CEP85: variants seen among roughly 807,000 people sequenced by gnomAD.
The protein encoded by CEP85 is centrosomal protein 85.
A neutral mutation model predicts 93.7 loss-of-function variants in CEP85; 58 were observed. The observed-to-expected ratio is 0.62, with a 90% CI of 0.50 to 0.77. CEP85 has a LOEUF of 0.77. Ranked by LOEUF, CEP85 falls within the 30% of genes least tolerant of loss-of-function variation. CEP85 has a pLI of 0.00. For missense variants in CEP85, 868 were observed against 922.0 expected (o/e 0.94, Z 0.76); for synonymous variants, 314 against 338.6 (o/e 0.93, Z 0.80).
At chr1:26,271,356 C>A in intron 10 of CEP85, 1 of 393,308 alleles carries the variant, frequency 2.5e-6, no homozygotes. Context: ...CTCTGAATAT[C>A]TAGATTAGAT....
At chr1:26,243,826 C>A (rs1339108007) in intron 2 of CEP85, among the ~76,000 whole-genome samples, 2 of 151,652 alleles carry the variant, frequency 1.3e-5, no homozygotes, top group African/African-American at 2.4e-5. Context: ...GGTGAAACCG[C>A]GTCTCTACTA....
chr1:26,237,647 G>A (rs773404867), intron 1 of CEP85, among the ~76,000 whole-genome samples: 1 of 152,084 alleles, frequency 6.6e-6, no homozygotes, highest in Admixed American at 6.5e-5. Context: ...ATGCTGCTAC[G>A]AACATTCTTA....
chr1:26,244,386 T>C (rs1217126031), intron 3 of CEP85, 68 bp downstream of exon 3: 20 of 1,396,910 alleles, frequency 1.4e-5, no homozygotes, highest in Non-Finnish European at 2.0e-5. Context: ...TTGGGTATAT[T>C]GGCATTTCCA....
intron 3 of CEP85, among the ~76,000 whole-genome samples, chr1:26,252,865 C>T (rs72649333): frequency 5.1e-4 from 78 of 152,170 alleles, no homozygotes; most frequent in Admixed American, 8.5e-4. Flanking sequence ...CCTGTCTAAC[C>T]GAAATGTTTT....
At chr1:26,271,346 C>T (rs2089973150) in intron 10 of CEP85, 1 of 416,938 alleles carries the variant, frequency 2.4e-6, no homozygotes, top group African/African-American at 2.0e-5. Flanking sequence ...GGTGATATGC[C>T]TCTGAATATC....
At chr1:26,272,617 ATT>A (rs397861910) in intron 11 of CEP85, among the ~76,000 whole-genome samples, 2 of 89,668 alleles carry the variant, frequency 2.2e-5, no homozygotes, top group African/African-American at 5.1e-5. Context: ...CTATTACAGC[ATT>A]TTTTTTTTTT....
At chr1:26,244,989 CCACT>C (rs1204734795) in intron 3 of CEP85, among the ~76,000 whole-genome samples, 2 of 152,102 alleles carry the variant, frequency 1.3e-5, no homozygotes, top group Non-Finnish European at 2.9e-5. Context: ...CCTATCCCAC[CCACT>C]CAAACATATT....
At chr1:26,261,557 A>G (rs1258361980) in intron 7 of CEP85, among the ~76,000 whole-genome samples, 3 of 152,150 alleles carry the variant, frequency 2.0e-5, no homozygotes, top group East Asian at 1.9e-4. Context: ...CAATAGATTT[A>G]TAATAAAACT....
Position 26,278,125 on chromosome 1 carries a change from T to TTACCC in CEP85, c.*833_*837dup. The TTACCC allele has an allele frequency of 6.5e-6, 1 of 152,820 alleles. No homozygotes were observed. The allele number at this position is 152,820 out of a possible 1,614,324, so 9.5% of individuals were successfully genotyped here. On this transcript the variant is annotated 3_prime_UTR_variant, in exon 14 of 14. Transcript: ENST00000451429. The stretch of plus-strand genomic sequence containing the variant: ...GACCACAGAGCAACTGTCAAGCTGC[T>TTACCC]TACCCCCTCACCCAGGGCTACAGCC...
chr1:26,251,740 G>A (rs997031425), intron 3 of CEP85, among the ~76,000 whole-genome samples: 1 of 152,148 alleles, frequency 6.6e-6, no homozygotes, highest in East Asian at 1.9e-4. Flanking sequence ...ACAGCAGGGG[G>A]TGTGGGCTCA....
intron 1 of CEP85, among the ~76,000 whole-genome samples, chr1:26,238,686 A>G (rs1434362701): frequency 1.3e-5 from 2 of 152,204 alleles, no homozygotes; most frequent in Non-Finnish European, 2.9e-5. Context: ...TTGTGTTGTT[A>G]TCCTCATTTT....
Position 26,255,578 on chromosome 1 carries a change from C to T in CEP85, c.616C>T (p.Arg206Cys), listed in dbSNP as rs200313680. 40 of 1,614,126 alleles carry T rather than the reference C, an allele frequency of 2.5e-5. No homozygotes were observed. In the East Asian group the frequency reaches 2.7e-4, roughly 11 times the overall value. The change falls in exon 4 of 14, where the codon CGC becomes TGC. Residue 206 changes from arginine (R) to cysteine (C), a missense_variant. Coordinates refer to ENST00000451429, the MANE Select transcript of CEP85 (RefSeq NM_001319944.2). ...TLYSDPHHRV[R>C]FHNPRTSTSK... ...TTATTCAGATCCTCACCACCGAGTC[C>T]GCTTCCACAACCCAAGAACCAGCAC...
intron 3 of CEP85, among the ~76,000 whole-genome samples, chr1:26,246,058 C>T (rs2089505048): frequency 6.6e-6 from 1 of 151,986 alleles, no homozygotes; most frequent in Non-Finnish European, 1.5e-5. Flanking sequence ...TAGGGAAATA[C>T]ATATGTATTT....
rs1422893187 is a variant in CEP85 at position 26,255,495 on chromosome 1, A to C, written c.533A>C (p.Lys178Thr). ...VGHERQEEAR[K>T]FDIPSMESTL... The stretch of plus-strand genomic sequence containing the variant: ...CATGAAAGACAAGAAGAGGCGAGGA[A>C]GTTTGATATTCCTAGCATGGAATCT... Residue 178 changes from lysine (K) to threonine (T), a missense_variant, in exon 4 of 14, where the codon AAG becomes ACG. Physicochemically the swap from Lys to Thr is moderately conservative, Grantham distance 78. Coordinates refer to ENST00000451429, the MANE Select transcript of CEP85 (RefSeq NM_001319944.2). 1.9e-6 allele frequency: 3 copies of C among 1,614,106 alleles called. No individual in the cohort carries two copies.
At chr1:26,262,073 T>C (rs2124593761) in intron 7 of CEP85, among the ~76,000 whole-genome samples, 1 of 152,210 alleles carries the variant, frequency 6.6e-6, no homozygotes, top group South Asian at 2.1e-4. Flanking sequence ...TTTGGGAGGC[T>C]GAGGAGGGCA....
intron 13 of CEP85, 139 bp from the exon 14 acceptor site, chr1:26,276,997 A>T: frequency 1.0e-6 from 1 of 972,346 alleles, no homozygotes; most frequent in Non-Finnish European, 1.6e-6. Context: ...GCAGCAAATT[A>T]ACCCACTGTC....
chr1:26,262,092 G>A (rs1419141139), intron 7 of CEP85, among the ~76,000 whole-genome samples: 1 of 152,112 alleles, frequency 6.6e-6, no homozygotes, highest in African/African-American at 2.4e-5. Flanking sequence ...CAGATCACAA[G>A]GTCAGGAGAT....
chr1:26,264,538 A>G (rs957043775), intron 7 of CEP85, among the ~76,000 whole-genome samples: 1 of 152,230 alleles, frequency 6.6e-6, no homozygotes, highest in African/African-American at 2.4e-5. Flanking sequence ...CTTCAAAAAA[A>G]TAAAATAAAA....
chr1:26,265,227 G>A (rs1182429255), intron 7 of CEP85, among the ~76,000 whole-genome samples: 1 of 151,890 alleles, frequency 6.6e-6, no homozygotes, highest in Non-Finnish European at 1.5e-5. Context: ...CATGTGATCT[G>A]CCCGCCTCGA....
Sources: allele counts gnomAD v4.1 joint callset (sites outside exome capture counted in the v4.1 genomes callset), GRCh38; gene constraint gnomAD v4.1.1; transcripts MANE v1.5; gene names NCBI Gene and HGNC (gene_info 2026-07-23, HGNC 2026-07-21).